Variants in SPTB observed in about 807,000 individuals in gnomAD.
SPTB encodes spectrin beta chain, erythrocytic.
SPTB carries 45 observed loss-of-function variants against 256.2 expected under a neutral mutation model. That is an observed-to-expected ratio of 0.18 (90% CI 0.14 to 0.23). The LOEUF (loss-of-function observed/expected upper bound fraction) is 0.23. SPTB is among the 10% of genes least tolerant of loss of function. The pLI is 1.00. For synonymous variants in SPTB, 1,231 were observed against 1,243.1 expected, an observed-to-expected ratio of 0.99 and a Z score of 0.21; for missense variants, 2,715 against 3,040.4, an observed-to-expected ratio of 0.89 and a Z score of 2.52.
At position 64,823,150 on chromosome 14, in the gene SPTB, G is replaced by C. The variant is rs1406284486; in HGVS notation, c.-51-5C>G. ...TCAGTCTTCATGGAAGGATCCCTGG[G>C]GGACAGCAACACAGTCAGAGGGTTA... On this transcript the variant is annotated splice_region_variant and splice_polypyrimidine_tract_variant and intron_variant, in intron 1 of 35. Coordinates refer to ENST00000644917, the MANE Select transcript of SPTB (RefSeq NM_001355436.2). This position sits in a 1 kb window ranked among gnomAD's most constrained non-coding sequence, Gnocchi z 6.5. 1.1e-5 allele frequency: 17 copies of C among 1,608,604 alleles called. No homozygotes were observed. Among genetic ancestry groups the C allele is most frequent in the Non-Finnish European group, 1.4e-5 (16 of 1,175,280 alleles).
chr14:64,775,822 A>AT lies in SPTB; in HGVS notation c.4564-420dup, dbSNP rs1447865619. ...ACCTTATTCTAACAGCTTTTGCAGG[A>AT]TTTATGCAGGATCATTTACGCAGGA... On this transcript the variant is annotated intron_variant, in intron 22 of 35. Coordinates refer to ENST00000644917, the MANE Select transcript of SPTB (RefSeq NM_001355436.2). This position sits in a 1 kb window ranked among gnomAD's most constrained non-coding sequence, Gnocchi z 5.0. Among the ~76,000 whole-genome samples, 1 of 152,200 alleles carries AT rather than the reference A, an allele frequency of 6.6e-6. No individual in the cohort carries two copies. Among genetic ancestry groups the AT allele is most frequent in the Non-Finnish European group, 1.5e-5 (1 of 68,028 alleles).
rs936768048 is a variant in SPTB at position 64,824,248 on chromosome 14, C to T, written c.-51-1103G>A. On this transcript the variant is annotated intron_variant, in intron 1 of 35. Coordinates refer to ENST00000644917, the MANE Select transcript of SPTB (RefSeq NM_001355436.2). The surrounding 1 kb of genome is among the most constrained non-coding windows in gnomAD (Gnocchi z 5.7). Reference sequence around the variant, plus strand: ...AGTTGAAGCTTATTCCTAAAGGAAGCTTGGAGGTACCCATGAAGGGACAGG... The same window carrying T: ...AGTTGAAGCTTATTCCTAAAGGAAGTTTGGAGGTACCCATGAAGGGACAGG... Among the ~76,000 whole-genome samples, 8 of 152,056 alleles carry T rather than the reference C, an allele frequency of 5.3e-5. No individual in the cohort carries two copies. Among genetic ancestry groups the T allele is most frequent in the African/African-American group, 1.4e-4 (6 of 41,384 alleles).
rs139699062 is a variant in SPTB, at chr14:64,803,667, A to G, written c.414T>C (p.Ile138=). The change falls in exon 4 of 36, where the codon ATT becomes ATC. Residue 138 remains isoleucine, a synonymous_variant. Coordinates refer to ENST00000644917, the MANE Select transcript of SPTB (RefSeq NM_001355436.2). ...VHLENMGSHD[I]VDGNHRLVLG... ...GGACCAGGCGGTGGTTGCCATCTAC[A>G]ATGTCGTGGGAGCCCATGTTCTCCA... 2.1e-4 allele frequency: 331 copies of G among 1,614,024 alleles called. No individual in the cohort carries two copies. In the African/African-American group the frequency reaches 4.1e-3, roughly 20 times the overall value.
chr14:64,842,404 G>C (rs1237627746), intron 1 of SPTB, among the ~76,000 whole-genome samples: 1 of 152,170 alleles, frequency 6.6e-6, no homozygotes, highest in Non-Finnish European at 1.5e-5. Context: ...ACGTGAACCA[G>C]GCAGTAGGGG....
At chr14:64,843,120 T>C (rs1480222091) in intron 1 of SPTB, among the ~76,000 whole-genome samples, 3 of 152,184 alleles carry the variant, frequency 2.0e-5, no homozygotes, top group African/African-American at 7.2e-5. Context: ...TCATCAGACA[T>C]AGGCTATCCA....
rs148731728 is a variant in SPTB at position 64,871,283 on chromosome 14, G to T, written c.-52+8509C>A. 3.5e-4 allele frequency among the ~76,000 whole-genome samples: 53 copies of T among 152,246 alleles called. No homozygotes were observed. The East Asian group carries it at 9.8e-3, about 28-fold the overall frequency. ...CTGATGGAAAACACTCCAAATCTGG[G>T]AGAAATGGTCAGGACTCAGTAAGCA... On this transcript the variant is annotated intron_variant, in intron 1 of 35. Coordinates refer to ENST00000644917, the MANE Select transcript of SPTB (RefSeq NM_001355436.2).
At chr14:64,755,448 C>A (rs1039702581) in intron 32 of SPTB, 1 of 152,162 alleles carries the variant, frequency 6.6e-6, no homozygotes, top group Non-Finnish European at 1.5e-5. Flanking sequence ...TAGGACTGTT[C>A]AGTAAACAGG....
In SPTB at chr14:64,792,421, T is replaced by C. The variant is rs1291685957; in HGVS notation, c.2667-565A>G. On this transcript the variant is annotated intron_variant, in intron 14 of 35. Coordinates refer to ENST00000644917, the MANE Select transcript of SPTB (RefSeq NM_001355436.2). This position sits in a 1 kb window ranked among gnomAD's most constrained non-coding sequence, Gnocchi z 4.2. ...CATCAGTGCAGCACCACCTTGGCAC[T>C]GTTCCAGAGAGCGGCCTCTCCTTCT... Among the ~76,000 whole-genome samples the C allele has an allele frequency of 6.6e-6, 1 of 152,226 alleles. No homozygotes were observed. The highest frequency in any genetic ancestry group is 1.5e-5 in the Non-Finnish European group (1 of 68,032).
chr14:64,782,621 T>C, intron 19 of SPTB, 68 bp from the exon 20 acceptor site: 1 of 1,604,976 alleles, frequency 6.2e-7, no homozygotes, highest in African/African-American at 1.3e-5. Flanking sequence ...CTGCTCCTGA[T>C]GGTTGCAAGA....
intron 18 of SPTB, among the ~76,000 whole-genome samples, chr14:64,784,734 C>T (rs566877018): frequency 2.0e-5 from 3 of 152,286 alleles, no homozygotes; most frequent in South Asian, 4.1e-4. Flanking sequence ...TGGATAAATC[C>T]GTCCTTTGGC....
Position 64,779,181 on chromosome 14 carries a change from C to T in SPTB, c.4539G>A (p.Val1513=), listed in dbSNP as rs781508975. 1.2e-5 allele frequency: 19 copies of T among 1,613,904 alleles called. No homozygotes were observed. In the African/African-American group the frequency reaches 2.4e-4, roughly 20 times the overall value. The change falls in exon 22 of 36, where the codon GTG becomes GTA. Residue 1513 remains valine (V), a synonymous_variant. Transcript: ENST00000644917. The surrounding 1 kb of genome is among the most constrained non-coding windows in gnomAD (Gnocchi z 4.2). ...CCTGGTTCTTCTTCATGAACAGTTG[C>T]ACAGTTTGCAGATTAGTGCCATAGT... ...SADYGTNLQT[V]QLFMKKNQTL...
intron 1 of SPTB, among the ~76,000 whole-genome samples, chr14:64,870,603 C>T (rs1047153953): frequency 1.3e-5 from 2 of 152,220 alleles, no homozygotes; most frequent in African/African-American, 4.8e-5. Context: ...CACCCAAAGA[C>T]AGTGTTCTGA....
chr14:64,800,724 G>T (rs1227262970), intron 8 of SPTB, 32 bp downstream of exon 8: 3 of 1,578,708 alleles, frequency 1.9e-6, no homozygotes, highest in Non-Finnish European at 2.6e-6. Flanking sequence ...AACAGGGGAA[G>T]AGTGACACTT....
At chr14:64,753,164 C>G (rs1430657370) in intron 33 of SPTB, among the ~76,000 whole-genome samples, 1 of 152,152 alleles carries the variant, frequency 6.6e-6, no homozygotes, top group African/African-American at 2.4e-5. Context: ...GCTACCTATC[C>G]CTAGCCCTGG....
chr14:64,764,141 G>A lies in SPTB; in HGVS notation c.6345+2585C>T, dbSNP rs1260780906. On this transcript the variant is annotated intron_variant, in intron 32 of 35. Transcript: ENST00000644917. The surrounding 1 kb of genome is among the most constrained non-coding windows in gnomAD (Gnocchi z 4.2). ...TCCCCCAGGACTATCCCCAAGGGGA[G>A]GCGCAGCCATTGGCCATCCCTTCCT... Among the ~76,000 whole-genome samples the A allele has an allele frequency of 5.3e-5, 8 of 152,242 alleles. No homozygotes were observed. The highest frequency in any genetic ancestry group is 1.9e-4 in the African/African-American group (8 of 41,452).
intron 22 of SPTB, among the ~76,000 whole-genome samples, chr14:64,776,207 A>C (rs2082353641): frequency 6.6e-6 from 1 of 152,218 alleles, no homozygotes; most frequent in African/African-American, 2.4e-5. Context: ...ATTGGAAGGC[A>C]GGGGCAAGAG....
intron 1 of SPTB, among the ~76,000 whole-genome samples, chr14:64,868,818 T>G (rs1274690189): frequency 6.6e-6 from 1 of 152,034 alleles, no homozygotes; most frequent in East Asian, 1.9e-4. Flanking sequence ...CTTATGAGAG[T>G]GGGTATATTG....
chr14:64,786,318 C>T lies in SPTB; in HGVS notation c.3561+86G>A. ...GTACAAGACAAGAGTAATGTGGTCC[C>T]TGAGTCTTACAGCACATTTGTGGAC... On this transcript the variant is annotated intron_variant, in intron 16 of 35. Transcript: ENST00000644917. This position sits in a 1 kb window ranked among gnomAD's most constrained non-coding sequence, Gnocchi z 5.6. 1.9e-6 allele frequency: 3 copies of T among 1,545,080 alleles called. No homozygotes were observed. The highest frequency in any genetic ancestry group is 2.7e-6 in the Non-Finnish European group (3 of 1,123,970).
chr14:64,854,090 G>C (rs889135559), intron 1 of SPTB, among the ~76,000 whole-genome samples: 23 of 151,516 alleles, frequency 1.5e-4, no homozygotes, highest in Non-Finnish European at 2.8e-4. Flanking sequence ...TACTTAGGAG[G>C]CTGAGGCAGA....
Sources: allele counts gnomAD v4.1 joint callset (sites outside exome capture counted in the v4.1 genomes callset), GRCh38; gene constraint gnomAD v4.1.1; non-coding constraint Gnocchi (gnomAD v3.1); transcripts MANE v1.5; gene names NCBI Gene and HGNC (gene_info 2026-07-23, HGNC 2026-07-21).